RETREG1: variants seen among roughly 807,000 people sequenced by gnomAD.
RETREG1 encodes family with sequence similarity 134 member B.
Under a neutral mutation model 54.8 loss-of-function variants are expected in RETREG1, and 44 were observed. The ratio of observed to expected loss-of-function variants is 0.80; its 90% confidence interval spans 0.63 to 1.03. The LOEUF (loss-of-function observed/expected upper bound fraction) is 1.03, where lower values mean the gene tolerates loss of function less well. RETREG1 is among the 50% of genes least tolerant of loss of function. The pLI, the probability that RETREG1 is intolerant of heterozygous loss-of-function variation, is 0.00. For missense variants in RETREG1, 554 were observed against 605.1 expected, an observed-to-expected ratio of 0.92 and a Z score of 0.89; for synonymous variants, 217 against 238.5, an observed-to-expected ratio of 0.91 and a Z score of 0.83.
At chr5:16,607,143 A>G (rs950065292) in intron 1 of RETREG1, among the ~76,000 whole-genome samples, 3 of 151,880 alleles carry the variant, frequency 2.0e-5, no homozygotes, top group Admixed American at 6.6e-5. Flanking sequence ...GTCACTCTCT[A>G]TCCCTTGTCC....
At chr5:16,531,246 C>G (rs899716895) in intron 3 of RETREG1, among the ~76,000 whole-genome samples, 3 of 152,140 alleles carry the variant, frequency 2.0e-5, no homozygotes, top group African/African-American at 7.2e-5. Flanking sequence ...AAGTAGAAAC[C>G]TTGCCCAAGG....
chr5:16,615,270 G>A (rs1743466814), intron 1 of RETREG1, among the ~76,000 whole-genome samples: 1 of 151,564 alleles, frequency 6.6e-6, no homozygotes, highest in African/African-American at 2.4e-5. Flanking sequence ...CGTGGTGGCG[G>A]GCGCCTGTAG....
chr5:16,515,445 A>C lies in RETREG1; in HGVS notation c.459-31973T>G, dbSNP rs181649110. 1.9e-3 allele frequency among the ~76,000 whole-genome samples: 294 copies of C among 152,296 alleles called. 2 individuals carry two copies. Among genetic ancestry groups the C allele is most frequent in the African/African-American group, 6.5e-3 (271 of 41,570 alleles). On this transcript the variant is annotated intron_variant, in intron 3 of 8. Coordinates refer to ENST00000306320, the MANE Select transcript of RETREG1 (RefSeq NM_001034850.3). ...TCTCAATTTATCTATTTTTGGCCTG[A>C]GAATTTTTTTAGTTTTAATCCTTAT...
At chr5:16,575,895 A>G (rs1742304902) in intron 1 of RETREG1, among the ~76,000 whole-genome samples, 1 of 152,254 alleles carries the variant, frequency 6.6e-6, no homozygotes, top group East Asian at 1.9e-4. Flanking sequence ...ATTATTTATA[A>G]TGTTTAAGAT....
intron 3 of RETREG1, among the ~76,000 whole-genome samples, chr5:16,516,795 A>G (rs1040463489): frequency 3.3e-5 from 5 of 152,280 alleles, no homozygotes; most frequent in Non-Finnish European, 2.9e-5. Context: ...ACAAGCCCAA[A>G]TTAATTCCAA....
chr5:16,588,349 T>C (rs1188496720), intron 1 of RETREG1, among the ~76,000 whole-genome samples: 1 of 152,190 alleles, frequency 6.6e-6, no homozygotes, highest in Non-Finnish European at 1.5e-5. Flanking sequence ...ACACCAGTCA[T>C]ATTGAATCAG....
At position 16,474,505 on chromosome 5, in the gene RETREG1, G is replaced by C. The variant is rs1185463271; in HGVS notation, c.*236C>G. 3 of 540,002 alleles carry C rather than the reference G, an allele frequency of 5.6e-6. No individual in the cohort carries two copies. In the African/African-American group the frequency reaches 5.7e-5, roughly 10 times the overall value. 33.5% of individuals were successfully genotyped at this position (540,002 alleles called of 1,614,324 possible). Reference sequence around the variant, plus strand: ...TAATATTTATCTCTGACAACACAGTGGTGTGTATAAAGTTCATTTCCATGC... The same window carrying C: ...TAATATTTATCTCTGACAACACAGTCGTGTGTATAAAGTTCATTTCCATGC... On this transcript the variant is annotated 3_prime_UTR_variant, in exon 9 of 9. Coordinates refer to ENST00000306320, the MANE Select transcript of RETREG1 (RefSeq NM_001034850.3).
chr5:16,516,037 G>T lies in RETREG1; in HGVS notation c.459-32565C>A, dbSNP rs1225830554. Among the ~76,000 whole-genome samples the T allele has an allele frequency of 4.1e-5, 6 of 144,722 alleles. No individual in the cohort carries two copies. In the East Asian group the frequency reaches 1.0e-3, roughly 24 times the overall value. 94.9% of individuals were successfully genotyped at this position (144,722 alleles called of 152,430 possible). A position where few individuals can be genotyped will look rare whatever the true frequency, so the allele number is the denominator to read the frequency against. On this transcript the variant is annotated intron_variant, in intron 3 of 8. Coordinates refer to ENST00000306320, the MANE Select transcript of RETREG1 (RefSeq NM_001034850.3). ...GAAGCATACACTAAATTAAGAAATA[G>T]TTCCATGTAAATAGTTGAAATAAAG...
chr5:16,570,885 A>C (rs1579694528), intron 2 of RETREG1, among the ~76,000 whole-genome samples: 1 of 152,206 alleles, frequency 6.6e-6, no homozygotes, highest in East Asian at 1.9e-4. Context: ...AAAAAGGGAG[A>C]GAAGGAAAAG....
intron 3 of RETREG1, among the ~76,000 whole-genome samples, chr5:16,520,317 GT>G (rs1239879242): frequency 4.6e-4 from 39 of 84,894 alleles, no homozygotes; most frequent in African/African-American, 1.2e-3. Flanking sequence ...GGGTTTTGTG[GT>G]TTTTTTTTTG....
In RETREG1 at chr5:16,616,517, C is replaced by A. The variant is rs1016193188; in HGVS notation, c.320+135G>T. ...TGTCTACCTGTTCGAGACAGGTGGC[C>A]GAGAAAGTGGGGCAGGGCTGACAAT... On this transcript the variant is annotated intron_variant, in intron 1 of 8. Transcript: ENST00000306320. The A allele has an allele frequency of 7.7e-6, 11 of 1,425,800 alleles. No homozygotes were observed. The African/African-American group carries it at 1.5e-4, about 19-fold the overall frequency. 88.3% of individuals were successfully genotyped at this position (1,425,800 alleles called of 1,614,324 possible).
chr5:16,510,011 A>G (rs1488877491), intron 3 of RETREG1, among the ~76,000 whole-genome samples: 1 of 152,146 alleles, frequency 6.6e-6, no homozygotes, highest in Non-Finnish European at 1.5e-5. Context: ...AGCTAATAAT[A>G]AAATAAATTT....
intron 3 of RETREG1, among the ~76,000 whole-genome samples, chr5:16,535,703 C>T (rs1418183861): frequency 1.8e-5 from 2 of 108,896 alleles, no homozygotes; most frequent in Admixed American, 1.8e-4. Flanking sequence ...GCTGCCTTCA[C>T]AAAGTGGGAG....
chr5:16,504,994 T>C (rs766356221), intron 3 of RETREG1, among the ~76,000 whole-genome samples: 4 of 152,226 alleles, frequency 2.6e-5, no homozygotes, highest in Non-Finnish European at 5.9e-5. Flanking sequence ...TTGCAGAATA[T>C]ATTTAAGTCA....
intron 3 of RETREG1, among the ~76,000 whole-genome samples, chr5:16,518,244 G>A (rs1740423799): frequency 6.8e-6 from 1 of 146,960 alleles, no homozygotes; most frequent in South Asian, 2.1e-4. Flanking sequence ...TATTATATAA[G>A]TATATTATGG....
intron 1 of RETREG1, among the ~76,000 whole-genome samples, chr5:16,589,759 A>C (rs186812804): frequency 6.6e-6 from 1 of 152,234 alleles, no homozygotes; most frequent in East Asian, 1.9e-4. Flanking sequence ...ACTCCCCGCT[A>C]CTCTGTGGCC....
intron 3 of RETREG1, among the ~76,000 whole-genome samples, chr5:16,491,023 C>G (rs540912348): frequency 6.6e-6 from 1 of 152,142 alleles, no homozygotes; most frequent in South Asian, 2.1e-4. Flanking sequence ...AATCATGAAC[C>G]CAACTTCACA....
intron 3 of RETREG1, among the ~76,000 whole-genome samples, chr5:16,549,064 A>G (rs1741462746): frequency 6.6e-6 from 1 of 152,218 alleles, no homozygotes; most frequent in Non-Finnish European, 1.5e-5. Flanking sequence ...ATTTCTCAAA[A>G]TCACTTGCTT....
chr5:16,473,806 CAG>C lies in RETREG1; in HGVS notation c.*933_*934del, dbSNP rs1195430153. ...CTCTCCTCTATACAGGCTAAGAAAACAGAGTTATTATATCTTTATTGCTGATG... is the reference window on the plus strand; with the variant it reads ...CTCTCCTCTATACAGGCTAAGAAAACAGTTATTATATCTTTATTGCTGATG... On this transcript the variant is annotated 3_prime_UTR_variant, in exon 9 of 9. Transcript: ENST00000306320. 2.0e-5 allele frequency: 3 copies of C among 151,992 alleles called. No homozygotes were observed. Among genetic ancestry groups the C allele is most frequent in the Non-Finnish European group, 4.4e-5 (3 of 67,978 alleles). 9.4% of individuals were successfully genotyped at this position (151,992 alleles called of 1,614,324 possible).
Sources: allele counts gnomAD v4.1 joint callset (sites outside exome capture counted in the v4.1 genomes callset), GRCh38; gene constraint gnomAD v4.1.1; transcripts MANE v1.5; gene names NCBI Gene and HGNC (gene_info 2026-07-23, HGNC 2026-07-21).